TUBB: variants seen among roughly 807,000 people sequenced by gnomAD.
TUBB encodes tubulin beta chain.
Under a neutral mutation model 35.1 loss-of-function variants are expected in TUBB, and 2 were observed. The ratio of observed to expected loss-of-function variants is 0.06; its 90% CI spans 0.02 to 0.18. TUBB has a LOEUF of 0.18. TUBB is among the 10% of genes least tolerant of loss of function. TUBB has a pLI of 1.00. For missense variants in TUBB, 50 were observed against 599.4 expected (o/e 0.08, Z 9.57); for synonymous variants, 205 against 223.8 (o/e 0.92, Z 0.75).
At chr6:30,721,600 C>CGG (rs569312594) in intron 1 of TUBB, 15 of 982,314 alleles carry the variant, frequency 1.5e-5, no homozygotes, top group African/African-American at 1.8e-5. Context: ...ACGTGGAGGG[C>CGG]GGGGGGGGTG....
intron 1 of TUBB, chr6:30,721,609 T>C (rs1299039000): frequency 1.0e-6 from 1 of 981,862 alleles, no homozygotes. Context: ...GCGGGGGGGG[T>C]GGTCGACTGC....
Position 30,725,379 on chromosome 6 carries a change from A to G in TUBB, c.*982A>G, listed in dbSNP as rs1776598989. 1 of 152,306 alleles carries G rather than the reference A, an allele frequency of 6.6e-6. No homozygotes were observed. The highest frequency in any genetic ancestry group is 1.5e-5 in the Non-Finnish European group (1 of 68,130). The allele number at this position is 152,306 out of a possible 1,614,324, so 9.4% of individuals were successfully genotyped here. On this transcript the variant is annotated 3_prime_UTR_variant, in exon 4 of 4. Coordinates refer to ENST00000327892, the MANE Select transcript of TUBB (RefSeq NM_178014.4). Reference sequence around the variant, plus strand: ...TGCTGCTTTTTTTCATATTGAAAAGATGACATCGCCCCAAGAGCCAAAAAT... The same window carrying G: ...TGCTGCTTTTTTTCATATTGAAAAGGTGACATCGCCCCAAGAGCCAAAAAT...
chr6:30,721,708 C>G, intron 1 of TUBB: 1 of 985,298 alleles, frequency 1.0e-6, no homozygotes, highest in Non-Finnish European at 1.2e-6. Flanking sequence ...CGGCGCTTAT[C>G]GAAGTGTGGT....
chr6:30,723,124 T>C, intron 3 of TUBB, 96 bp downstream of exon 3: 2 of 1,101,128 alleles, frequency 1.8e-6, no homozygotes, highest in Non-Finnish European at 2.7e-6. Flanking sequence ...GATTGTTGTA[T>C]TGGAGTGCTA....
rs9468815 is a variant in TUBB, at chr6:30,724,453, G to T, written c.*56G>T. 26,484 of 1,469,480 alleles carry T rather than the reference G, an allele frequency of 0.018. 822 individuals carry two copies. Among genetic ancestry groups the T allele is most frequent in the East Asian group, 0.14 (5,823 of 42,814 alleles). The allele number at this position is 1,469,480 out of a possible 1,614,324, so 91.0% of individuals were successfully genotyped here. On this transcript the variant is annotated 3_prime_UTR_variant, in exon 4 of 4. Transcript: ENST00000327892. The surrounding 1 kb of genome is among the most constrained non-coding windows in gnomAD (Gnocchi z 4.4). ...GTTCCCTTAGCCGTCTTACTCAACTGCCCCTTTCCTCTCCCTCAGAATTTG... is the reference window on the plus strand; with the variant it reads ...GTTCCCTTAGCCGTCTTACTCAACTTCCCCTTTCCTCTCCCTCAGAATTTG...
At position 30,723,040 on chromosome 6, in the gene TUBB, AGAT is replaced by A. The variant is rs1324540448; in HGVS notation, c.277+16_277+18del. On this transcript the variant is annotated intron_variant, in intron 3 of 3. Transcript: ENST00000327892. ...CAACTTTGTATTTGGTGAGTTATAC[AGAT>A]GATATTAGCAGATGATATACCATCG... 5.0e-6 allele frequency: 8 copies of A among 1,591,002 alleles called. No individual in the cohort carries two copies. The highest frequency in any genetic ancestry group is 6.9e-6 in the Non-Finnish European group (8 of 1,161,898).
In TUBB at chr6:30,723,336, C is replaced by G. The variant is rs1465858469; in HGVS notation, c.278-4C>G. The G allele has an allele frequency of 8.1e-6, 13 of 1,596,600 alleles. No homozygotes were observed. The highest frequency in any genetic ancestry group is 3.3e-4 in the Middle Eastern group (2 of 5,976). The stretch of plus-strand genomic sequence containing the variant: ...ATTGAGCTTTTCTCCTGACTGCATT[C>G]CAGGTCAGTCTGGGGCAGGTAACAA... On this transcript the variant is annotated splice_region_variant and splice_polypyrimidine_tract_variant and intron_variant, in intron 3 of 3. Coordinates refer to ENST00000327892, the MANE Select transcript of TUBB (RefSeq NM_178014.4).
intron 2 of TUBB, 61 bp from the exon 3 acceptor site, chr6:30,722,857 A>T: frequency 2.1e-6 from 3 of 1,411,730 alleles, no homozygotes; most frequent in Non-Finnish European, 3.0e-6. Context: ...TCCCATTTCC[A>T]GTATATCTAT....
chr6:30,721,610 G>T, intron 1 of TUBB: 1 of 985,394 alleles, frequency 1.0e-6, no homozygotes, highest in Non-Finnish European at 1.2e-6. Context: ...CGGGGGGGGT[G>T]GTCGACTGCG....
intron 2 of TUBB, 86 bp downstream of exon 2, chr6:30,722,731 T>G: frequency 7.7e-7 from 1 of 1,292,462 alleles, no homozygotes; most frequent in Non-Finnish European, 1.1e-6. Context: ...GCACGCCTTA[T>G]CCCCTTTGGG....
chr6:30,721,384 A>T (rs1229397389), intron 1 of TUBB, among the ~76,000 whole-genome samples: 1 of 133,384 alleles, frequency 7.5e-6, no homozygotes, highest in Non-Finnish European at 1.6e-5. Flanking sequence ...GGCGGGAGGA[A>T]GTGCGGCTGC....
At position 30,724,486 on chromosome 6, in the gene TUBB, T is replaced by A. The variant is rs1386345847; in HGVS notation, c.*89T>A. The A allele has an allele frequency of 1.6e-6, 2 of 1,250,064 alleles. No individual in the cohort carries two copies. The highest frequency in any genetic ancestry group is 1.1e-6 in the Non-Finnish European group (1 of 914,894). 77.4% of individuals were successfully genotyped at this position (1,250,064 alleles called of 1,614,324 possible). On this transcript the variant is annotated 3_prime_UTR_variant, in exon 4 of 4. Transcript: ENST00000327892. This position sits in a 1 kb window ranked among gnomAD's most constrained non-coding sequence, Gnocchi z 4.4. ...CCTCTCCCTCAGAATTTGTGTTTGC[T>A]GCCTCTATCTTGTTTTTTGTTTTTT...
At position 30,724,523 on chromosome 6, in the gene TUBB, G is replaced by A. The variant is rs193275555; in HGVS notation, c.*126G>A. 9 of 834,372 alleles carry A rather than the reference G, an allele frequency of 1.1e-5. No homozygotes were observed. The highest frequency in any genetic ancestry group is 1.7e-5 in the African/African-American group (1 of 57,636). 51.7% of individuals were successfully genotyped at this position (834,372 alleles called of 1,614,324 possible). On this transcript the variant is annotated 3_prime_UTR_variant, in exon 4 of 4. Transcript: ENST00000327892. This position sits in a 1 kb window ranked among gnomAD's most constrained non-coding sequence, Gnocchi z 4.4. ...GTTTTTTGTTTTTTCTTCTGGGGGG[G>A]GTCTAGAACAGTGCCTGGCACATAG...
intron 1 of TUBB, among the ~76,000 whole-genome samples, chr6:30,720,836 A>G (rs1776172005): frequency 6.6e-6 from 1 of 152,250 alleles, no homozygotes; most frequent in South Asian, 2.1e-4. Flanking sequence ...TGTTACTTAA[A>G]AGGGCTTCTA....
rs1776577182 is a variant in TUBB, at chr6:30,725,186, G to C, written c.*789G>C. The C allele has an allele frequency of 6.3e-6, 1 of 158,896 alleles. No homozygotes were observed. The highest frequency in any genetic ancestry group is 1.4e-5 in the Non-Finnish European group (1 of 73,410). 9.8% of individuals were successfully genotyped at this position (158,896 alleles called of 1,614,324 possible). A position where few individuals can be genotyped will look rare whatever the true frequency, so the allele number is the denominator to read the frequency against. ...AAAAGAATGAACACCCCTGACTCTG[G>C]AGTGGTGTATACTGCCACATCAGTG... On this transcript the variant is annotated 3_prime_UTR_variant, in exon 4 of 4. Coordinates refer to ENST00000327892, the MANE Select transcript of TUBB (RefSeq NM_178014.4).
intron 1 of TUBB, chr6:30,721,773 G>A (rs572922178): frequency 1.7e-5 from 17 of 985,360 alleles, no homozygotes; most frequent in Non-Finnish European, 1.9e-5. Flanking sequence ...TCCAGAGCAG[G>A]GAAAGCTGTG....
chr6:30,722,441 CA>C, intron 1 of TUBB, 95 bp from the exon 2 acceptor site: 104 of 894,118 alleles, frequency 1.2e-4, no homozygotes, highest in Middle Eastern at 5.4e-4. Context: ...GACTCCGTCT[CA>C]AAAAAAATTA....
Position 30,722,726 on chromosome 6 carries a change from C to G in TUBB, c.166+81C>G. The G allele has an allele frequency of 3.1e-6, 4 of 1,306,348 alleles. No homozygotes were observed. In the South Asian group the frequency reaches 3.8e-5, roughly 12 times the overall value. The allele number at this position is 1,306,348 out of a possible 1,614,324, so 80.9% of individuals were successfully genotyped here. On this transcript the variant is annotated intron_variant, in intron 2 of 3. Transcript: ENST00000327892. Reference sequence around the variant, plus strand: ...GGATCTCTTTCCATTTCTGGGCACGCCTTATCCCCTTTGGGTGAATCTGTC... The same window carrying G: ...GGATCTCTTTCCATTTCTGGGCACGGCTTATCCCCTTTGGGTGAATCTGTC...
Position 30,721,476 on chromosome 6 carries a change from C to T in TUBB, c.57+913C>T, listed in dbSNP as rs1016385892. 6.7e-6 allele frequency: 6 copies of T among 898,760 alleles called. No individual in the cohort carries two copies. The Admixed American group carries it at 3.1e-4, about 46-fold the overall frequency. The allele number at this position is 898,760 out of a possible 1,614,324, so 55.7% of individuals were successfully genotyped here. On this transcript the variant is annotated intron_variant, in intron 1 of 3. Coordinates refer to ENST00000327892, the MANE Select transcript of TUBB (RefSeq NM_178014.4). The stretch of plus-strand genomic sequence containing the variant: ...GCGGGGACAATGCGGCGTTGCCCGC[C>T]GGCAGGGGCGCGCTACCTTGGGCCC...
Sources: gnomAD v4.1 joint callset for allele counts (sites outside exome capture counted in the v4.1 genomes callset) on GRCh38, gnomAD v4.1.1 for gene constraint, Gnocchi (gnomAD v3.1) non-coding constraint, MANE v1.5 for transcripts, NCBI Gene and HGNC (gene_info 2026-07-23, HGNC 2026-07-21) for gene names.